The following PLAAT1 variants were observed in gnomAD, a reference collection of about 807,000 sequenced individuals.
PLAAT1 encodes the protein H-REV107 protein-related protein.
In PLAAT1, 13 loss-of-function variants were observed where a neutral mutation model predicts 16.4. The ratio of observed to expected loss-of-function variants is 0.79; its 90% confidence interval spans 0.52 to 1.26. The LOEUF is 1.26. PLAAT1 is among the 50% of genes most tolerant of loss of function. The pLI is 0.00. For missense variants in PLAAT1, 218 were observed against 207.8 expected, an observed-to-expected ratio of 1.05 and a Z score of -0.30; for synonymous variants, 73 against 78.4, an observed-to-expected ratio of 0.93 and a Z score of 0.36.
At chr3:193,265,313 A>G (rs1716741158) in intron 3 of PLAAT1, among the ~76,000 whole-genome samples, 1 of 152,200 alleles carries the variant, frequency 6.6e-6, no homozygotes, top group Non-Finnish European at 1.5e-5. Context: ...AATAAAAAGA[A>G]ATGAAGTACT....
At chr3:193,279,974 G>A (rs368809847), downstream of PLAAT1, among the ~76,000 whole-genome samples, 1 of 4,870 alleles carries the variant, frequency 2.1e-4, no homozygotes, top group Non-Finnish European at 3.8e-4. Flanking sequence ...CTGTGTCTTT[G>A]TTAAAAAAAA....
chr3:193,275,426 T>A (rs1717150483), downstream of PLAAT1: 3 of 1,104,070 alleles, frequency 2.7e-6, no homozygotes, highest in East Asian at 7.2e-5. Context: ...TGCTGTTGCA[T>A]CTACCTCTCC....
chr3:193,240,796 G>T (rs997534575), upstream of PLAAT1, among the ~76,000 whole-genome samples: 1 of 152,012 alleles, frequency 6.6e-6, no homozygotes, highest in Non-Finnish European at 1.5e-5. Flanking sequence ...CTGACTCAAA[G>T]ACCCAGAGGC....
chr3:193,280,757 AC>A (rs1444881717), downstream of PLAAT1, among the ~76,000 whole-genome samples: 3 of 152,188 alleles, frequency 2.0e-5, no homozygotes, highest in African/African-American at 4.8e-5. Flanking sequence ...TCAGGCCCAA[AC>A]AACAGCATTT....
chr3:193,268,134 A>G (rs1716842732), intron 3 of PLAAT1, among the ~76,000 whole-genome samples: 2 of 152,008 alleles, frequency 1.3e-5, no homozygotes, highest in African/African-American at 2.4e-5. Context: ...TTTGTGTCTT[A>G]TCTTTTATGT....
rs1490490298 is a variant in PLAAT1, at chr3:193,241,280, C to G, written c.-254C>G. On this transcript the variant is annotated 5_prime_UTR_variant, in exon 1 of 4. Transcript: ENST00000264735. ...ACGCCGAGCCCAGCGCGTCGGCCCC[C>G]CGGCGTGCGGGCGTCTCAGAGCCGC... is the stretch of plus-strand genomic sequence containing the variant. 4.1e-6 allele frequency: 5 copies of G among 1,230,094 alleles called. No individual in the cohort carries two copies. Among genetic ancestry groups the G allele is most frequent in the South Asian group, 8.2e-5 (2 of 24,314 alleles). 76.2% of individuals were successfully genotyped at this position (1,230,094 alleles called of 1,614,324 possible).
At chr3:193,247,109 A>G (rs1241033359) in intron 1 of PLAAT1, among the ~76,000 whole-genome samples, 1 of 152,082 alleles carries the variant, frequency 6.6e-6, no homozygotes, top group African/African-American at 2.4e-5. Context: ...GAATTCATCC[A>G]TTTCTTCTGT....
chr3:193,257,077 G>C (rs192733619), intron 2 of PLAAT1, among the ~76,000 whole-genome samples: 1 of 151,970 alleles, frequency 6.6e-6, no homozygotes, highest in Non-Finnish European at 1.5e-5. Flanking sequence ...TCATTTCCCC[G>C]GACTATGTCT....
rs1716963571 is a variant in PLAAT1 at position 193,270,841 on chromosome 3, AC to A, written c.*137del. 18 of 1,370,214 alleles carry A rather than the reference AC, an allele frequency of 1.3e-5. No individual in the cohort carries two copies. The South Asian group carries it at 3.1e-4, about 24-fold the overall frequency. 84.9% of individuals were successfully genotyped at this position (1,370,214 alleles called of 1,614,324 possible). A position where few individuals can be genotyped will look rare whatever the true frequency, so the allele number is the denominator to read the frequency against. The stretch of plus-strand genomic sequence containing the variant: ...TGGCAGACTCTTTAATAAATTGCTT[AC>A]TGATATTATCTTATCATTGAGCCAA... On this transcript the variant is annotated 3_prime_UTR_variant, in exon 4 of 4. Coordinates refer to ENST00000264735, the MANE Select transcript of PLAAT1 (RefSeq NM_020386.5).
intron 3 of PLAAT1, among the ~76,000 whole-genome samples, chr3:193,264,585 C>G (rs1222701332): frequency 6.6e-6 from 1 of 151,932 alleles, no homozygotes; most frequent in South Asian, 2.1e-4. Context: ...CTCACTGCAA[C>G]CTCCGCCTCC....
intron 2 of PLAAT1, among the ~76,000 whole-genome samples, chr3:193,259,341 A>G (rs1316299693): frequency 6.6e-6 from 1 of 152,178 alleles, no homozygotes; most frequent in Admixed American, 6.5e-5. Flanking sequence ...CACTCACACT[A>G]TTCCTGTTCA....
intron 2 of PLAAT1, among the ~76,000 whole-genome samples, chr3:193,277,203 A>G (rs1272315768): frequency 6.6e-6 from 1 of 152,210 alleles, no homozygotes; most frequent in Non-Finnish European, 1.5e-5. Flanking sequence ...AATATTTCCA[A>G]TTCTCCCAAA....
upstream of PLAAT1, among the ~76,000 whole-genome samples, chr3:193,240,873 G>A (rs1715693903): frequency 6.6e-6 from 1 of 151,460 alleles, no homozygotes; most frequent in African/African-American, 2.4e-5. Context: ...TAGAAGAGTG[G>A]GTGTACTCAT....
rs546595457 is a variant in PLAAT1 at position 193,264,861 on chromosome 3, G to C, written c.405+1626G>C. 3.3e-5 allele frequency among the ~76,000 whole-genome samples: 5 copies of C among 152,268 alleles called. No individual in the cohort carries two copies. The East Asian group carries it at 9.7e-4, about 29-fold the overall frequency. On this transcript the variant is annotated intron_variant, in intron 3 of 3. Coordinates refer to ENST00000264735, the MANE Select transcript of PLAAT1 (RefSeq NM_020386.5). ...TTATTTGCCTTTTTATTGTTCAGTA[G>C]TAAGTTTTCTTTATGTACTTTGGAT...
In PLAAT1 at chr3:193,270,592, G is replaced by T. The variant is rs1435245715; in HGVS notation, c.406-12G>T. The stretch of plus-strand genomic sequence containing the variant: ...ATGATGTGTTTTTTGTTTACTTCTT[G>T]TTTCCTTATAGGCCAACCGAGCGAT... On this transcript the variant is annotated splice_polypyrimidine_tract_variant and intron_variant, in intron 3 of 3. Coordinates refer to ENST00000264735, the MANE Select transcript of PLAAT1 (RefSeq NM_020386.5). The T allele has an allele frequency of 6.2e-7, 1 of 1,607,142 alleles. No individual in the cohort carries two copies. The highest frequency in any genetic ancestry group is 8.5e-7 in the Non-Finnish European group (1 of 1,176,654).
rs140760726 is a variant in PLAAT1, at chr3:193,270,627, T to G, written c.429T>G (p.Val143=). The change falls in exon 4 of 4, where the codon GTT becomes GTG. Residue 143 remains valine, a synonymous_variant. Transcript: ENST00000264735. ...AGGCCAACCGAGCGATAAGTACCGT[T>G]GAGTTTGTGACAGCTGCTGTTGGTG... is the stretch of plus-strand genomic sequence containing the variant. ...SEQANRAIST[V]EFVTAAVGVF... 1 of 1,613,562 alleles carries G rather than the reference T, an allele frequency of 6.2e-7. No individual in the cohort carries two copies. Among genetic ancestry groups the G allele is most frequent in the African/African-American group, 1.3e-5 (1 of 74,926 alleles).
downstream of PLAAT1, chr3:193,275,077 G>A (rs773544544): frequency 3.2e-5 from 52 of 1,614,120 alleles, no homozygotes; most frequent in Non-Finnish European, 4.4e-5. Context: ...TCTGTGGGTT[G>A]GCCTCCCAAT....
At chr3:193,262,548 C>A (rs181061316) in intron 2 of PLAAT1, among the ~76,000 whole-genome samples, 1 of 152,136 alleles carries the variant, frequency 6.6e-6, no homozygotes, top group Admixed American at 6.5e-5. Flanking sequence ...ACAGTGTACC[C>A]TACAGTATTA....
chr3:193,255,606 TG>T, intron 1 of PLAAT1, 44 bp from the exon 2 acceptor site: 1 of 1,561,662 alleles, frequency 6.4e-7, no homozygotes, highest in Non-Finnish European at 8.7e-7. Flanking sequence ...GATTTTCTTT[TG>T]GCAAGTTGTA....
Sources: allele counts gnomAD v4.1 joint callset (sites outside exome capture counted in the v4.1 genomes callset), GRCh38; gene constraint gnomAD v4.1.1; transcripts MANE v1.5; gene names NCBI Gene and HGNC (gene_info 2026-07-23, HGNC 2026-07-21).